SLC15A1: variants seen among roughly 807,000 people sequenced by gnomAD.
SLC15A1 encodes solute carrier family 15 member 1, also known as Caco-2 oligopeptide transporter.
Under a neutral mutation model 92.9 loss-of-function variants are expected in SLC15A1, and 83 were observed. That is an observed-to-expected ratio of 0.89 (90% CI 0.75 to 1.07). The LOEUF (loss-of-function observed/expected upper bound fraction) is 1.07, where lower values mean the gene tolerates loss of function less well. SLC15A1 is among the 50% of genes least tolerant of loss of function. SLC15A1 has a pLI of 0.00. For missense variants in SLC15A1, 857 were observed against 880.1 expected (o/e 0.97, Z 0.33); for synonymous variants, 322 against 318.2 (o/e 1.01, Z -0.13).
intron 1 of SLC15A1, among the ~76,000 whole-genome samples, chr13:98,746,209 G>C (rs2088491818): frequency 6.6e-6 from 1 of 151,862 alleles, no homozygotes; most frequent in African/African-American, 2.4e-5. Flanking sequence ...TGATCTTGTT[G>C]TTTTTTTATT....
At chr13:98,717,184 G>T (rs1010598993) in intron 8 of SLC15A1, among the ~76,000 whole-genome samples, 2 of 152,160 alleles carry the variant, frequency 1.3e-5, no homozygotes, top group African/African-American at 4.8e-5. Flanking sequence ...GAGGGTCTGA[G>T]ATTTTTGACA....
chr13:98,685,095 C>T (rs1235840773), intron 22 of SLC15A1, among the ~76,000 whole-genome samples, 180 bp from the exon 23 acceptor site: 6 of 152,106 alleles, frequency 3.9e-5, no homozygotes. Flanking sequence ...CTGGAATGCC[C>T]AAGATAGATA....
intron 1 of SLC15A1, 44 bp downstream of exon 1, chr13:98,752,551 C>T (rs2088555939): frequency 3.1e-6 from 4 of 1,276,256 alleles, no homozygotes; most frequent in South Asian, 2.7e-5. Context: ...CCCCGCGTAG[C>T]TCCGAGTCTT....
intron 1 of SLC15A1, among the ~76,000 whole-genome samples, chr13:98,728,977 TAAAAA>T (rs71218592): frequency 7.2e-5 from 1 of 13,900 alleles, no homozygotes; most frequent in Non-Finnish European, 1.2e-4. Context: ...TAAGGCTCTG[TAAAAA>T]AAAAAAAAAA....
chr13:98,733,746 C>A (rs762982379), intron 1 of SLC15A1, among the ~76,000 whole-genome samples: 18 of 152,196 alleles, frequency 1.2e-4, no homozygotes, highest in Non-Finnish European at 2.5e-4. Flanking sequence ...TTCCTCCTAG[C>A]CATGTGGCCT....
chr13:98,748,260 C>T (rs2088512243), intron 1 of SLC15A1, among the ~76,000 whole-genome samples: 1 of 152,128 alleles, frequency 6.6e-6, no homozygotes, highest in African/African-American at 2.4e-5. Context: ...ATTTCTCACT[C>T]CTATTCATTT....
intron 9 of SLC15A1, among the ~76,000 whole-genome samples, 186 bp from the exon 10 acceptor site, chr13:98,712,770 G>C (rs537105735): frequency 1.3e-5 from 2 of 152,308 alleles, no homozygotes; most frequent in East Asian, 3.9e-4. Context: ...GAGCGTTTGA[G>C]TTGGGGTGAA....
chr13:98,687,323 G>T (rs1331337281), intron 21 of SLC15A1, among the ~76,000 whole-genome samples: 1 of 152,056 alleles, frequency 6.6e-6, no homozygotes, highest in African/African-American at 2.4e-5. Flanking sequence ...TAAATACTGG[G>T]CGCTAAATGT....
chr13:98,686,030 C>A (rs1400467619), intron 22 of SLC15A1, among the ~76,000 whole-genome samples, 160 bp downstream of exon 22: 1 of 151,920 alleles, frequency 6.6e-6, no homozygotes, highest in African/African-American at 2.4e-5. Context: ...AGACACTTTG[C>A]CATAAGGCTA....
chr13:98,692,694 T>C (rs79205827), intron 18 of SLC15A1, among the ~76,000 whole-genome samples: 10,073 of 152,316 alleles, frequency 0.066, 462 homozygotes, highest in East Asian at 0.22. Context: ...TCAAAGTGGC[T>C]GTACCATTTT....
chr13:98,706,850 C>A (rs1208538969), intron 15 of SLC15A1, among the ~76,000 whole-genome samples: 2 of 152,106 alleles, frequency 1.3e-5, no homozygotes, highest in Non-Finnish European at 2.9e-5. Flanking sequence ...TCTTATCTAG[C>A]CACTTCCAGG....
intron 1 of SLC15A1, among the ~76,000 whole-genome samples, chr13:98,747,873 G>C (rs2017894): frequency 0.81 from 123,539 of 152,128 alleles, 50,185 homozygotes; most frequent in Non-Finnish European, 0.83. Flanking sequence ...AGAGCAGACT[G>C]CATCTCAAAA....
intron 1 of SLC15A1, among the ~76,000 whole-genome samples, chr13:98,728,319 T>C (rs1216333728): frequency 2.0e-5 from 3 of 152,234 alleles, no homozygotes; most frequent in Admixed American, 6.5e-5. Context: ...AGGATGACTT[T>C]GGCTTTTCGA....
chr13:98,718,807 C>T (rs1468414030), intron 8 of SLC15A1, among the ~76,000 whole-genome samples: 1 of 152,114 alleles, frequency 6.6e-6, no homozygotes, highest in Non-Finnish European at 1.5e-5. Flanking sequence ...AAGACTCTGT[C>T]TTTTTGTTTG....
intron 11 of SLC15A1, 21 bp from the exon 12 acceptor site, chr13:98,709,932 CT>C: frequency 6.2e-7 from 1 of 1,613,238 alleles, no homozygotes; most frequent in Non-Finnish European, 8.5e-7. Context: ...AATACATTTG[CT>C]GTATTATTTG....
chr13:98,738,435 A>G (rs1400649224), intron 1 of SLC15A1, among the ~76,000 whole-genome samples: 6 of 152,238 alleles, frequency 3.9e-5, no homozygotes, highest in Admixed American at 3.9e-4. Flanking sequence ...GAGGCCTAGA[A>G]GGGAAGAATG....
chr13:98,707,287 G>A (rs534663533), intron 15 of SLC15A1, among the ~76,000 whole-genome samples: 6 of 152,336 alleles, frequency 3.9e-5, no homozygotes, highest in Admixed American at 2.6e-4. Context: ...ACAATGTGGT[G>A]TATACACACA....
chr13:98,702,508 T>C lies in SLC15A1; in HGVS notation c.1438A>G (p.Lys480Glu). The change falls in exon 18 of 23, where the codon AAG becomes GAG. Residue 480 changes from lysine to glutamate, a missense_variant. Physicochemically the swap from Lys to Glu is moderately conservative, Grantham distance 56. Transcript: ENST00000376503. ...YQVVKDGLNQ[K>E]PEKGENGIRF... is the part of the protein sequence containing the mutation. ...ATTCCATTTTCCCCTTTTTCTGGCTTCTGGTTAAGACCATCCTTTACCTGA... is the reference window on the plus strand; with the variant it reads ...ATTCCATTTTCCCCTTTTTCTGGCTCCTGGTTAAGACCATCCTTTACCTGA... The C allele has an allele frequency of 6.2e-7, 1 of 1,609,302 alleles. No individual in the cohort carries two copies. Among genetic ancestry groups the C allele is most frequent in the Non-Finnish European group, 8.5e-7 (1 of 1,175,758 alleles).
Position 98,686,192 on chromosome 13 carries a change from G to C in SLC15A1, c.1933C>G (p.Gln645Glu). Residue 645 changes from glutamine to glutamate, a missense_variant and splice_region_variant, in exon 22 of 23, where the codon CAG becomes GAG. Gln to Glu is a conservative substitution (Grantham distance 29). Coordinates refer to ENST00000376503, the MANE Select transcript of SLC15A1 (RefSeq NM_005073.4). ...IVAGAGQFSKQWAEYILFAAL... is the reference protein window; with the variant it reads ...IVAGAGQFSKEWAEYILFAAL... ...CAATCTCCTCTCCCACGCCATACCTGTTTGCTGAACTGGCCTGCCCCTGCC... is the reference window on the plus strand; with the variant it reads ...CAATCTCCTCTCCCACGCCATACCTCTTTGCTGAACTGGCCTGCCCCTGCC... 1 of 1,611,708 alleles carries C rather than the reference G, an allele frequency of 6.2e-7. No homozygotes were observed. The highest frequency in any genetic ancestry group is 8.5e-7 in the Non-Finnish European group (1 of 1,178,212).
Sources: allele counts gnomAD v4.1 joint callset (sites outside exome capture counted in the v4.1 genomes callset), GRCh38; gene constraint gnomAD v4.1.1; transcripts MANE v1.5; gene names NCBI Gene and HGNC (gene_info 2026-07-23, HGNC 2026-07-21).